Variants in SHISA6 observed in about 807,000 individuals in gnomAD.
The protein encoded by SHISA6 is protein shisa-6.
SHISA6 carries 22 observed loss-of-function variants against 47.9 expected under a neutral mutation model. The observed-to-expected ratio is 0.46, with a 90% CI of 0.33 to 0.66. The LOEUF is 0.66. Ranked by LOEUF, SHISA6 falls within the 30% of genes least tolerant of loss-of-function variation. SHISA6 has a pLI of 0.02. For missense variants in SHISA6, 680 were observed against 764.6 expected (o/e 0.89, Z 1.30); for synonymous variants, 388 against 337.8 (o/e 1.15, Z -1.63).
In SHISA6 at chr17:11,321,518, A is replaced by G. The variant is rs149520802; in HGVS notation, c.800-57896A>G. ...ATGACTTTATTTTTAAAAAGCATCA[A>G]TTACAAAAACGTATAGGTAGGTCTT... is the stretch of plus-strand genomic sequence containing the variant. On this transcript the variant is annotated intron_variant, in intron 2 of 5. Coordinates refer to ENST00000441885, the MANE Select transcript of SHISA6 (RefSeq NM_207386.4). Among the ~76,000 whole-genome samples, 830 of 152,332 alleles carry G rather than the reference A, an allele frequency of 5.4e-3. 10 individuals are homozygous for G. Among genetic ancestry groups the G allele is most frequent in the African/African-American group, 0.019 (775 of 41,564 alleles).
chr17:11,437,704 C>T (rs957533023), intron 3 of SHISA6, among the ~76,000 whole-genome samples: 2 of 152,172 alleles, frequency 1.3e-5, no homozygotes, highest in African/African-American at 4.8e-5. Flanking sequence ...ACATTGCACT[C>T]TGGTGCTTAC....
chr17:11,496,905 C>A (rs1430931442), intron 3 of SHISA6, among the ~76,000 whole-genome samples: 1 of 152,196 alleles, frequency 6.6e-6, no homozygotes, highest in Non-Finnish European at 1.5e-5. Context: ...TCCTATGTGA[C>A]TACATTTTTT....
At chr17:11,543,787 A>C (rs1028976493) in intron 3 of SHISA6, among the ~76,000 whole-genome samples, 2 of 152,106 alleles carry the variant, frequency 1.3e-5, no homozygotes, top group Non-Finnish European at 2.9e-5. Flanking sequence ...CAGAATAGAA[A>C]ACTCAGAAAT....
At chr17:11,253,223 T>G (rs1907882044) in intron 1 of SHISA6, among the ~76,000 whole-genome samples, 1 of 152,158 alleles carries the variant, frequency 6.6e-6, no homozygotes, top group African/African-American at 2.4e-5. Context: ...CGACTTGCCT[T>G]CCTGAACTTG....
chr17:11,260,818 C>T (rs1908207016), intron 1 of SHISA6, among the ~76,000 whole-genome samples: 1 of 151,990 alleles, frequency 6.6e-6, no homozygotes, highest in Non-Finnish European at 1.5e-5. Flanking sequence ...TCTCTCTGGA[C>T]CTCTGCCCCC....
intron 3 of SHISA6, among the ~76,000 whole-genome samples, chr17:11,491,437 A>G (rs1042455394): frequency 1.3e-5 from 2 of 152,126 alleles, no homozygotes. Context: ...AGTAGCTGGG[A>G]CTACAAGCGA....
At chr17:11,291,010 T>TAAA in intron 2 of SHISA6, among the ~76,000 whole-genome samples, 1 of 150,964 alleles carries the variant, frequency 6.6e-6, no homozygotes, top group Non-Finnish European at 1.5e-5. Context: ...AATTTAATAA[T>TAAA]TTATTAATAA....
At chr17:11,359,359 A>C (rs1239516036) in intron 2 of SHISA6, among the ~76,000 whole-genome samples, 1 of 152,230 alleles carries the variant, frequency 6.6e-6, no homozygotes, top group African/African-American at 2.4e-5. Context: ...AAGGAATGCA[A>C]ACCCAGTCAA....
chr17:11,426,662 T>G (rs1490931261), intron 3 of SHISA6, among the ~76,000 whole-genome samples: 3 of 152,238 alleles, frequency 2.0e-5, no homozygotes, highest in Non-Finnish European at 4.4e-5. Flanking sequence ...CAAAACTTAA[T>G]ACGTCTAGAT....
intron 3 of SHISA6, among the ~76,000 whole-genome samples, chr17:11,387,301 G>A (rs2142251690): frequency 6.6e-6 from 1 of 152,196 alleles, no homozygotes. Context: ...AAAGTTCAGG[G>A]GCTAAATGCT....
intron 3 of SHISA6, among the ~76,000 whole-genome samples, chr17:11,385,782 C>G (rs1485288873): frequency 2.6e-5 from 4 of 152,012 alleles, no homozygotes; most frequent in Admixed American, 2.6e-4. Context: ...AAAGACAACT[C>G]AAGAGTAGGT....
intron 1 of SHISA6, among the ~76,000 whole-genome samples, chr17:11,256,691 C>T (rs376329809): frequency 2.6e-5 from 4 of 152,144 alleles, no homozygotes; most frequent in Non-Finnish European, 4.4e-5. Flanking sequence ...GACACATCCA[C>T]GTTTTCAACG....
intron 3 of SHISA6, among the ~76,000 whole-genome samples, chr17:11,490,417 G>A (rs142371521): frequency 1.7e-3 from 263 of 152,248 alleles, no homozygotes; most frequent in African/African-American, 6.0e-3. Flanking sequence ...TTCTCCTGCC[G>A]ATGAAACAGG....
intron 3 of SHISA6, among the ~76,000 whole-genome samples, chr17:11,530,236 A>G (rs1377119925): frequency 6.6e-6 from 1 of 152,194 alleles, no homozygotes; most frequent in East Asian, 1.9e-4. Flanking sequence ...GAAACAACCT[A>G]GTTATCTAAC....
chr17:11,526,219 T>C (rs1448673657), intron 3 of SHISA6, among the ~76,000 whole-genome samples: 1 of 152,208 alleles, frequency 6.6e-6, no homozygotes, highest in Non-Finnish European at 1.5e-5. Context: ...ATATCATTTC[T>C]TTCAGCTAAA....
chr17:11,378,206 A>G (rs1480393844), intron 2 of SHISA6, among the ~76,000 whole-genome samples: 1 of 152,246 alleles, frequency 6.6e-6, no homozygotes, highest in African/African-American at 2.4e-5. Flanking sequence ...GACAAATTAC[A>G]TATTCATACG....
chr17:11,353,530 C>T (rs1320830961), intron 2 of SHISA6, among the ~76,000 whole-genome samples: 2 of 151,570 alleles, frequency 1.3e-5, no homozygotes, highest in African/African-American at 4.9e-5. Context: ...GCTTAAGCTA[C>T]TGTTGGTCCC....
intron 3 of SHISA6, among the ~76,000 whole-genome samples, chr17:11,452,323 A>ATGTCCTG (rs1915421949): frequency 6.6e-6 from 1 of 152,294 alleles, no homozygotes; most frequent in Non-Finnish European, 1.5e-5. Context: ...ATTTTCAGGA[A>ATGTCCTG]ACCTTTGTCC....
At chr17:11,542,308 G>A (rs2071840666) in intron 3 of SHISA6, among the ~76,000 whole-genome samples, 1 of 149,492 alleles carries the variant, frequency 6.7e-6, no homozygotes, top group Non-Finnish European at 1.5e-5. Flanking sequence ...AGAGGCAGTT[G>A]GGAAGACCTT....
Sources: allele counts gnomAD v4.1 joint callset (sites outside exome capture counted in the v4.1 genomes callset), GRCh38; gene constraint gnomAD v4.1.1; transcripts MANE v1.5; gene names NCBI Gene and HGNC (gene_info 2026-07-23, HGNC 2026-07-21).